The following MYL5 variants were observed in gnomAD, a reference collection of about 807,000 sequenced individuals.
The protein encoded by MYL5 is myosin light chain 5.
A neutral mutation model predicts 20.8 loss-of-function variants in MYL5; 28 were observed. That is an observed-to-expected ratio of 1.35 (90% CI 1.00 to 1.84). The LOEUF is 1.84. MYL5 is among the 40% of genes most tolerant of loss of function. The probability of loss-of-function intolerance (pLI) is 0.00; values close to 1 mark genes in which losing one functional copy is unlikely to be tolerated. For synonymous variants in MYL5, 118 were observed against 87.4 expected, an observed-to-expected ratio of 1.35 and a Z score of -1.95; for missense variants, 274 against 227.3, an observed-to-expected ratio of 1.21 and a Z score of -1.32.
upstream of MYL5, chr4:677,852 C>G (rs555118733): frequency 1.5e-5 from 16 of 1,075,024 alleles, no homozygotes; most frequent in East Asian, 3.9e-4. Context: ...GTGTGAGTCA[C>G]TGCCAGGCTG....
At chr4:675,272 G>A (rs774175147), upstream of MYL5, 175 of 152,464 alleles carry the variant, frequency 1.1e-3, no homozygotes, top group Non-Finnish European at 1.9e-3. Flanking sequence ...GTCTAGGCAG[G>A]AGCCTGGCAC....
At chr4:675,443 G>A (rs1355525187), upstream of MYL5, 2 of 152,480 alleles carry the variant, frequency 1.3e-5, no homozygotes, top group Non-Finnish European at 2.9e-5. Flanking sequence ...TATGGCTCGG[G>A]TCTCGCTAAG....
chr4:674,778 C>A (rs7671294), upstream of MYL5: 4,774 of 163,218 alleles, frequency 0.029, 245 homozygotes, highest in African/African-American at 0.11. Context: ...GGAGTGTGAG[C>A]CGAGTGCAGG....
At chr4:678,311 C>T in intron 1 of MYL5, 2 of 1,429,092 alleles carry the variant, frequency 1.4e-6, no homozygotes, top group South Asian at 1.5e-5. Flanking sequence ...TTCACAAAAT[C>T]CCGGTACCCA....
chr4:679,793 C>G, intron 3 of MYL5, 121 bp from the exon 6 acceptor site: 2 of 778,778 alleles, frequency 2.6e-6, no homozygotes, highest in Non-Finnish European at 4.2e-6. Flanking sequence ...GGCCAAGCGT[C>G]TCCTTCCCGC....
At chr4:675,741 G>A (rs910478735), upstream of MYL5, 1 of 152,342 alleles carries the variant, frequency 6.6e-6, no homozygotes, top group Admixed American at 6.5e-5. Flanking sequence ...AGGACGAGGT[G>A]AGGGAGCATG....
intron 6 of MYL5, among the ~76,000 whole-genome samples, chr4:681,435 C>A (rs1231079967): frequency 6.6e-6 from 1 of 150,968 alleles, no homozygotes; most frequent in Non-Finnish European, 1.5e-5. Flanking sequence ...GGTCCGGAGC[C>A]GCCCCCCACC....
chr4:678,471 C>T, intron 1 of MYL5, 187 bp from the exon 4 acceptor site: 6 of 1,433,318 alleles, frequency 4.2e-6, no homozygotes, highest in Non-Finnish European at 5.5e-6. Flanking sequence ...CAGACACCTG[C>T]AGCCGTCCTG....
chr4:682,026 G>A (rs1739794691), exon 7 of MYL5: 2 of 1,432,024 alleles, frequency 1.4e-6, no homozygotes, highest in Admixed American at 2.5e-5. Context: ...CTGGACGCTT[G>A]GACCCTGCCT....
chr4:680,695 C>G (rs1255177746), intron 5 of MYL5, 108 bp downstream of exon 7: 1 of 1,142,346 alleles, frequency 8.8e-7, no homozygotes. Context: ...ACCTCCCCAC[C>G]TCTGACCAGC....
chr4:676,126 C>G (rs934558014), upstream of MYL5: 8 of 152,366 alleles, frequency 5.3e-5, no homozygotes, highest in African/African-American at 1.9e-4. Flanking sequence ...CTGAGGAAGC[C>G]GCAGGTGCAC....
intron 1 of MYL5, chr4:678,313 C>T (rs139493776): frequency 1.5e-5 from 22 of 1,427,788 alleles, no homozygotes; most frequent in South Asian, 2.9e-5. Context: ...CACAAAATCC[C>T]GGTACCCAGA....
At chr4:675,804 G>A (rs1206786948), upstream of MYL5, 4 of 152,336 alleles carry the variant, frequency 2.6e-5, no homozygotes, top group Admixed American at 2.6e-4. Context: ...GATTCCCATA[G>A]GAGCGTGAAC....
At chr4:676,917 G>C, upstream of MYL5, 3 of 985,398 alleles carry the variant, frequency 3.0e-6, no homozygotes, top group Non-Finnish European at 2.4e-6. Context: ...CTGGACCTGG[G>C]GATGGCACCA....
At chr4:675,988 C>G (rs1016517974), upstream of MYL5, 14 of 152,402 alleles carry the variant, frequency 9.2e-5, no homozygotes, top group Admixed American at 2.6e-4. Flanking sequence ...GTAGGGCCAC[C>G]TGATCTTTTC....
chr4:679,153 C>T (rs1374235744), intron 3 of MYL5, 120 bp downstream of exon 5: 2 of 694,022 alleles, frequency 2.9e-6, no homozygotes, highest in East Asian at 8.7e-5. Context: ...AGAGGCCCAC[C>T]AACGGCCCTG....
rs946031517 is a variant in MYL5, at chr4:681,216, G to A, written c.420+76G>A. On this transcript the variant is annotated intron_variant, in intron 6 of 6. Coordinates refer to ENST00000400159, the Ensembl canonical transcript of MYL5. ...CGGGGTCAGCTGGGTGGAGGGGGACGCGGAGCCCGAGGAGCAGCGCCGCGG... is the reference window on the plus strand; with the variant it reads ...CGGGGTCAGCTGGGTGGAGGGGGACACGGAGCCCGAGGAGCAGCGCCGCGG... The A allele has an allele frequency of 1.4e-5, 22 of 1,528,962 alleles. 1 individual carries two copies. The South Asian group carries it at 2.6e-4, about 18-fold the overall frequency. 94.7% of individuals were successfully genotyped at this position (1,528,962 alleles called of 1,614,324 possible).
intron 1 of MYL5, chr4:678,265 G>C: frequency 6.8e-7 from 1 of 1,466,092 alleles, no homozygotes; most frequent in South Asian, 1.4e-5. Flanking sequence ...TGCTCTCCTG[G>C]TGAGAGTCCG....
At chr4:678,355 A>G (rs1283953515) in intron 1 of MYL5, 3 of 1,414,374 alleles carry the variant, frequency 2.1e-6, no homozygotes, top group African/African-American at 2.9e-5. Context: ...TTGCCCCTCA[A>G]GCCTTCAGAG....
Sources: allele counts gnomAD v4.1 joint callset (sites outside exome capture counted in the v4.1 genomes callset), GRCh38; gene constraint gnomAD v4.1.1; transcripts MANE v1.5; gene names NCBI Gene and HGNC (gene_info 2026-07-23, HGNC 2026-07-21).